Variants in CNTNAP2 observed in about 807,000 individuals in gnomAD.
CNTNAP2 encodes contactin associated protein 2.
CNTNAP2 carries 98 observed loss-of-function variants against 155.2 expected under a neutral mutation model. The ratio of observed to expected loss-of-function variants is 0.63; its 90% confidence interval spans 0.54 to 0.75. The LOEUF is 0.75. Ranked by LOEUF, CNTNAP2 falls within the 30% of genes least tolerant of loss-of-function variation. The probability of loss-of-function intolerance (pLI) is 0.00; values close to 1 mark genes in which losing one functional copy is unlikely to be tolerated. For missense variants in CNTNAP2, 1,727 were observed against 1,688.1 expected, an observed-to-expected ratio of 1.02 and a Z score of -0.40; for synonymous variants, 651 against 631.2, an observed-to-expected ratio of 1.03 and a Z score of -0.47.
At chr7:146,826,533 C>A (rs1803403765) in intron 2 of CNTNAP2, among the ~76,000 whole-genome samples, 2 of 152,034 alleles carry the variant, frequency 1.3e-5, no homozygotes, top group South Asian at 4.1e-4. Flanking sequence ...CATCAGAATA[C>A]CCTGTCCACT....
chr7:147,880,120 T>A (rs960412353), intron 13 of CNTNAP2, among the ~76,000 whole-genome samples: 1 of 152,212 alleles, frequency 6.6e-6, no homozygotes, highest in Non-Finnish European at 1.5e-5. Flanking sequence ...TGGATTTCTT[T>A]GAGAAGTGGT....
chr7:146,150,153 AT>A (rs1798016180), intron 1 of CNTNAP2, among the ~76,000 whole-genome samples: 5 of 152,278 alleles, frequency 3.3e-5, no homozygotes, highest in Admixed American at 3.3e-4. Context: ...AGCACAAAAC[AT>A]TTAATGTAAT....
intron 10 of CNTNAP2, among the ~76,000 whole-genome samples, chr7:147,444,160 C>A (rs1341322785): frequency 6.6e-6 from 1 of 152,164 alleles, no homozygotes; most frequent in East Asian, 1.9e-4. Flanking sequence ...CTATTTTACC[C>A]TTTAAGGGGC....
At chr7:147,322,057 A>G (rs1795361370) in intron 9 of CNTNAP2, among the ~76,000 whole-genome samples, 1 of 152,206 alleles carries the variant, frequency 6.6e-6, no homozygotes, top group Non-Finnish European at 1.5e-5. Flanking sequence ...CTTTATATTT[A>G]GTACAAGCAA....
intron 1 of CNTNAP2, among the ~76,000 whole-genome samples, chr7:146,537,718 T>G (rs555899476): frequency 6.6e-6 from 1 of 152,222 alleles, no homozygotes; most frequent in African/African-American, 2.4e-5. Context: ...AGTGAGCATT[T>G]CAGGCAGAGT....
chr7:148,297,069 T>TA (rs1402308856), intron 21 of CNTNAP2, among the ~76,000 whole-genome samples: 2 of 150,752 alleles, frequency 1.3e-5, no homozygotes, highest in Non-Finnish European at 1.5e-5. Context: ...TGGTAAACAG[T>TA]ATCACCAAAG....
At chr7:146,184,135 A>G (rs942937169) in intron 1 of CNTNAP2, among the ~76,000 whole-genome samples, 2 of 152,358 alleles carry the variant, frequency 1.3e-5, no homozygotes, top group Middle Eastern at 3.4e-3. Flanking sequence ...ACTACTCAGT[A>G]TGCTCAAAAG....
rs1468370 is a variant in CNTNAP2 at position 147,486,307 on chromosome 7, T to G, written c.1777+266T>G. On this transcript the variant is annotated intron_variant, in intron 11 of 23. Transcript: ENST00000361727. ...ATAAACACATAGTTGAGATTGGAAG[T>G]CCAAACTTGGATTCGCCTCTCTGTG... Among the ~76,000 whole-genome samples the G allele has an allele frequency of 0.8, 121,165 of 152,136 alleles. 48,820 individuals carry two copies. Among genetic ancestry groups the G allele is most frequent in the African/African-American group, 0.93 (38,417 of 41,512 alleles).
intron 1 of CNTNAP2, among the ~76,000 whole-genome samples, chr7:146,602,203 A>G (rs1798961422): frequency 6.6e-6 from 1 of 152,142 alleles, no homozygotes; most frequent in Non-Finnish European, 1.5e-5. Flanking sequence ...TTAAGATTAT[A>G]TGCGGCTATA....
chr7:147,946,286 T>C lies in CNTNAP2; in HGVS notation c.2256-31576T>C, dbSNP rs534137001. Among the ~76,000 whole-genome samples the C allele has an allele frequency of 1.1e-4, 16 of 152,224 alleles. No individual in the cohort carries two copies. In the South Asian group the frequency reaches 3.3e-3, roughly 32 times the overall value. On this transcript the variant is annotated intron_variant, in intron 14 of 23. Coordinates refer to ENST00000361727, the MANE Select transcript of CNTNAP2 (RefSeq NM_014141.6). ...CAGCAGGTAGACATGCCTATTAACA[T>C]TGTGCTGCCATGTTTACTTTTTTTT...
chr7:147,151,182 T>A (rs1191496205), intron 8 of CNTNAP2, among the ~76,000 whole-genome samples: 1 of 152,176 alleles, frequency 6.6e-6, no homozygotes, highest in African/African-American at 2.4e-5. Context: ...AGAGGCCGAG[T>A]TGGTACTTGA....
chr7:146,311,266 C>A (rs919398694), intron 1 of CNTNAP2, among the ~76,000 whole-genome samples: 4 of 152,052 alleles, frequency 2.6e-5, no homozygotes, highest in African/African-American at 9.7e-5. Context: ...GAAGACAAAG[C>A]AAATTTCTGT....
intron 13 of CNTNAP2, among the ~76,000 whole-genome samples, chr7:147,801,610 G>A (rs540638775): frequency 1.0e-3 from 159 of 152,090 alleles, no homozygotes; most frequent in Non-Finnish European, 1.9e-3. Context: ...AGTGGACACA[G>A]CATATGTTTC....
chr7:146,133,939 A>T (rs1035889821), intron 1 of CNTNAP2, among the ~76,000 whole-genome samples: 2 of 151,280 alleles, frequency 1.3e-5, no homozygotes, highest in African/African-American at 4.9e-5. Flanking sequence ...AGTTTTTTCC[A>T]ATTCTGTGAA....
intron 1 of CNTNAP2, among the ~76,000 whole-genome samples, chr7:146,167,279 A>G (rs916504081): frequency 2.0e-5 from 3 of 152,246 alleles, no homozygotes; most frequent in Non-Finnish European, 2.9e-5. Flanking sequence ...TGTTGGTCAT[A>G]TAAATATTAC....
intron 13 of CNTNAP2, among the ~76,000 whole-genome samples, chr7:147,855,131 G>C (rs1159606707): frequency 2.0e-5 from 3 of 152,002 alleles, no homozygotes; most frequent in Admixed American, 1.3e-4. Context: ...ATTTCTATTA[G>C]ACTCACTCTA....
chr7:146,959,682 T>G (rs183927161), intron 3 of CNTNAP2, among the ~76,000 whole-genome samples: 2 of 136,098 alleles, frequency 1.5e-5, no homozygotes, highest in Non-Finnish European at 3.0e-5. Context: ...ATCATACCAC[T>G]GCACTCCAGC....
chr7:147,036,496 T>C (rs970956158), intron 3 of CNTNAP2, among the ~76,000 whole-genome samples: 2 of 152,192 alleles, frequency 1.3e-5, no homozygotes, highest in Non-Finnish European at 2.9e-5. Flanking sequence ...TTTTATTATA[T>C]TGATTTTAAC....
intron 15 of CNTNAP2, among the ~76,000 whole-genome samples, chr7:148,048,954 G>A (rs1377053642): frequency 1.3e-5 from 2 of 152,212 alleles, no homozygotes; most frequent in Non-Finnish European, 2.9e-5. Flanking sequence ...GCTCGTGCCT[G>A]TAATCCCAGC....
Sources: gnomAD v4.1 joint callset for allele counts (sites outside exome capture counted in the v4.1 genomes callset) on GRCh38, gnomAD v4.1.1 for gene constraint, MANE v1.5 for transcripts, NCBI Gene and HGNC (gene_info 2026-07-23, HGNC 2026-07-21) for gene names.